CREBRF: variants seen among roughly 807,000 people sequenced by gnomAD.
CREBRF encodes CREB3 regulatory factor.
A neutral mutation model predicts 66.1 loss-of-function variants in CREBRF; 5 were observed. The ratio of observed to expected loss-of-function variants is 0.08; its 90% CI spans 0.04 to 0.16. The LOEUF (loss-of-function observed/expected upper bound fraction) is 0.16, where lower values mean the gene tolerates loss of function less well. CREBRF is among the 10% of genes least tolerant of loss of function. The pLI, the probability that CREBRF is intolerant of heterozygous loss-of-function variation, is 1.00. For synonymous variants in CREBRF, 229 were observed against 264.4 expected, an observed-to-expected ratio of 0.87 and a Z score of 1.30; for missense variants, 531 against 744.9, an observed-to-expected ratio of 0.71 and a Z score of 3.34.
At chr5:173,127,182 T>G (rs1332551306) in intron 8 of CREBRF, among the ~76,000 whole-genome samples, 12 of 90,682 alleles carry the variant, frequency 1.3e-4, no homozygotes, top group Non-Finnish European at 2.6e-4. Context: ...TTTTTTTTTT[T>G]GAGACAGTCT....
chr5:173,061,818 A>G (rs1463388907), intron 1 of CREBRF, among the ~76,000 whole-genome samples: 4 of 152,216 alleles, frequency 2.6e-5, no homozygotes, highest in Admixed American at 2.6e-4. Context: ...TGCCTAGTGA[A>G]GCAGAGATGC....
chr5:173,111,418 C>T (rs1164166365), intron 6 of CREBRF, among the ~76,000 whole-genome samples: 4 of 152,158 alleles, frequency 2.6e-5, no homozygotes, highest in Non-Finnish European at 5.9e-5. Flanking sequence ...AGATGTGACC[C>T]ACCATGCCCA....
intron 1 of CREBRF, among the ~76,000 whole-genome samples, chr5:173,057,154 C>T (rs1757081875): frequency 6.6e-6 from 1 of 152,064 alleles, no homozygotes; most frequent in Non-Finnish European, 1.5e-5. Flanking sequence ...AGGGGCGGAG[C>T]CCTCAGAGCT....
chr5:173,071,232 A>G (rs111617751), intron 1 of CREBRF, among the ~76,000 whole-genome samples: 4,549 of 152,150 alleles, frequency 0.03, 217 homozygotes, highest in African/African-American at 0.1. Context: ...TTTGTTTGAG[A>G]TGGAGTTTTG....
At position 173,133,623 on chromosome 5, in the gene CREBRF, T is replaced by G; in HGVS notation, c.1805-7T>G. 1.3e-6 allele frequency: 2 copies of G among 1,549,040 alleles called. No homozygotes were observed. Among genetic ancestry groups the G allele is most frequent in the Non-Finnish European group, 1.8e-6 (2 of 1,124,120 alleles). ...TGTCTAGATGTGCCTTTTATTCTTC[T>G]CTTCAGGTCTACCAGTTGCTGGGCA... On this transcript the variant is annotated splice_region_variant and splice_polypyrimidine_tract_variant and intron_variant, in intron 8 of 8. Transcript: ENST00000296953.
intron 4 of CREBRF, 123 bp from the exon 5 acceptor site, chr5:173,108,501 T>C (rs1024693401): frequency 1.3e-6 from 1 of 770,652 alleles, no homozygotes; most frequent in Non-Finnish European, 2.1e-6. Context: ...ATCTTTGACA[T>C]GCCAATGATG....
chr5:173,115,571 T>TA (rs1380963669), intron 7 of CREBRF, among the ~76,000 whole-genome samples: 1 of 152,198 alleles, frequency 6.6e-6, no homozygotes, highest in East Asian at 1.9e-4. Context: ...TTTCAAGTGA[T>TA]ATAGGAGGTT....
intron 8 of CREBRF, among the ~76,000 whole-genome samples, chr5:173,128,368 T>C (rs1759321359): frequency 6.6e-6 from 1 of 152,118 alleles, no homozygotes; most frequent in Non-Finnish European, 1.5e-5. Flanking sequence ...TTTTTAATGT[T>C]CTGCGGGAGT....
At chr5:173,083,006 C>G (rs1758012977) in intron 2 of CREBRF, among the ~76,000 whole-genome samples, 1 of 142,828 alleles carries the variant, frequency 7.0e-6, no homozygotes, top group Non-Finnish European at 1.5e-5. Flanking sequence ...ACAGGCTGAT[C>G]ACTTGAGGTC....
chr5:173,115,345 A>T (rs1183290654), intron 7 of CREBRF, among the ~76,000 whole-genome samples: 2 of 152,016 alleles, frequency 1.3e-5, no homozygotes, highest in African/African-American at 4.8e-5. Context: ...GACCTCAGGT[A>T]ATCTGCCTGC....
intron 2 of CREBRF, chr5:173,085,853 G>A (rs1469712076): frequency 6.3e-6 from 5 of 794,658 alleles, no homozygotes; most frequent in Non-Finnish European, 1.2e-5. Context: ...TTTCTCAATA[G>A]TAGAGGGGTC....
Position 173,108,696 on chromosome 5 carries a change from G to C in CREBRF, c.1295G>C (p.Arg432Thr). 2 of 1,614,004 alleles carry C rather than the reference G, an allele frequency of 1.2e-6. No homozygotes were observed. The highest frequency in any genetic ancestry group is 4.5e-5 in the East Asian group (2 of 44,868). ...SISSRKRGKR[R>T]YFWEYSEQLT... is the part of the protein sequence containing the mutation. Reference sequence around the variant, plus strand: ...TCTTCACGGAAGAGAGGTAAAAGAAGATACTTCTGGGAGTATAGTGAACAA... The same window carrying C: ...TCTTCACGGAAGAGAGGTAAAAGAACATACTTCTGGGAGTATAGTGAACAA... The change falls in exon 5 of 9, where the codon AGA (arginine) becomes ACA (threonine). Residue 432 changes from arginine to threonine, a missense_variant. Physicochemically the swap from Arg to Thr is moderately conservative, Grantham distance 71. Transcript: ENST00000296953.
At chr5:173,082,402 G>A (rs909749287) in intron 2 of CREBRF, among the ~76,000 whole-genome samples, 2 of 151,806 alleles carry the variant, frequency 1.3e-5, no homozygotes, top group African/African-American at 4.8e-5. Flanking sequence ...AGGAAGAAAG[G>A]TTCTGCAGGC....
intron 1 of CREBRF, among the ~76,000 whole-genome samples, chr5:173,076,978 C>G (rs1287046085): frequency 6.6e-6 from 1 of 151,122 alleles, no homozygotes; most frequent in South Asian, 2.1e-4. Flanking sequence ...GTGTCTCACT[C>G]TGTAGCCCAG....
At chr5:173,091,745 T>C in intron 4 of CREBRF, 1 of 1,008,742 alleles carries the variant, frequency 9.9e-7, no homozygotes, top group Non-Finnish European at 1.2e-6. Context: ...TGTCACTCTC[T>C]TGAGCATTTA....
At chr5:173,059,881 A>C (rs1757215635) in intron 1 of CREBRF, among the ~76,000 whole-genome samples, 1 of 152,210 alleles carries the variant, frequency 6.6e-6, no homozygotes, top group African/African-American at 2.4e-5. Context: ...ATAGCTCCCG[A>C]AGAGAGTCTG....
At chr5:173,084,584 T>C (rs1405842097) in intron 2 of CREBRF, among the ~76,000 whole-genome samples, 1 of 152,188 alleles carries the variant, frequency 6.6e-6, no homozygotes, top group African/African-American at 2.4e-5. Flanking sequence ...CACAAGTGCA[T>C]GTGGGTAGGT....
At chr5:173,115,561 T>C (rs2113781135) in intron 7 of CREBRF, among the ~76,000 whole-genome samples, 1 of 152,362 alleles carries the variant, frequency 6.6e-6, no homozygotes, top group East Asian at 1.9e-4. Context: ...AGATTTTTTG[T>C]TTCAAGTGAT....
At chr5:173,099,243 C>G (rs1256964885) in intron 4 of CREBRF, among the ~76,000 whole-genome samples, 12 of 152,116 alleles carry the variant, frequency 7.9e-5, no homozygotes, top group Non-Finnish European at 1.8e-4. Flanking sequence ...ACAGCCTTGA[C>G]CTGCCAGACT....
Sources: gnomAD v4.1 joint callset for allele counts (sites outside exome capture counted in the v4.1 genomes callset) on GRCh38, gnomAD v4.1.1 for gene constraint, MANE v1.5 for transcripts, NCBI Gene and HGNC (gene_info 2026-07-23, HGNC 2026-07-21) for gene names.